The following FGF1 variants were observed in gnomAD, a reference collection of about 807,000 sequenced individuals.
FGF1 encodes the protein fibroblast growth factor 1.
Under a neutral mutation model 13.4 loss-of-function variants are expected in FGF1, and 9 were observed. That is an observed-to-expected ratio of 0.67 (90% CI 0.40 to 1.17). FGF1 has a LOEUF of 1.17. Ranked by LOEUF, FGF1 falls within the 50% of genes most tolerant of loss-of-function variation. The pLI, the probability that FGF1 is intolerant of heterozygous loss-of-function variation, is 0.01. For synonymous variants in FGF1, 93 were observed against 79.0 expected (o/e 1.18, Z -0.94); for missense variants, 156 against 192.7 (o/e 0.81, Z 1.13).
intron 1 of FGF1, among the ~76,000 whole-genome samples, chr5:142,679,228 G>A (rs1219280124): frequency 6.6e-6 from 1 of 152,060 alleles, no homozygotes; most frequent in South Asian, 2.1e-4. Context: ...CAGCCACACT[G>A]GCCTTCCTCC....
chr5:142,654,900 G>C (rs1767881040), intron 1 of FGF1, among the ~76,000 whole-genome samples: 1 of 152,232 alleles, frequency 6.6e-6, no homozygotes, highest in East Asian at 1.9e-4. Context: ...GAGGGCTGCA[G>C]GCCTGTGGCT....
At chr5:142,595,775 C>A (rs975770881) in intron 3 of FGF1, among the ~76,000 whole-genome samples, 7 of 152,224 alleles carry the variant, frequency 4.6e-5, no homozygotes, top group Admixed American at 2.6e-4. Flanking sequence ...AAGAGCACTT[C>A]TAAGAGTCCT....
intron 2 of FGF1, among the ~76,000 whole-genome samples, chr5:142,607,974 G>A (rs1204951296): frequency 6.6e-6 from 1 of 152,168 alleles, no homozygotes; most frequent in African/African-American, 2.4e-5. Flanking sequence ...CTTCCATTAG[G>A]TCTTAGCAGT....
In FGF1 at chr5:142,595,449, C is replaced by G. The variant is rs778584449; in HGVS notation, c.309G>C (p.Arg103Ser). The change falls in exon 4 of 4, where the codon AGG (arginine) becomes AGC (serine). Residue 103 changes from arginine (R) to serine (S), a missense_variant. Arg to Ser is a moderately radical substitution (Grantham distance 110). Coordinates refer to ENST00000337706, the MANE Select transcript of FGF1 (RefSeq NM_000800.5). ...AGGTGTTGTAATGGTTCTCCTCCAG[C>G]CTTTCCAGGAACAAACATTCCTCAT... Reference protein sequence around the residue: ...TPNEECLFLERLEENHYNTYI... With the variant: ...TPNEECLFLESLEENHYNTYI... 1 of 1,613,808 alleles carries G rather than the reference C, an allele frequency of 6.2e-7. No homozygotes were observed. The highest frequency in any genetic ancestry group is 1.1e-5 in the South Asian group (1 of 91,032).
At chr5:142,641,075 C>T (rs1011189756) in intron 1 of FGF1, among the ~76,000 whole-genome samples, 1 of 151,920 alleles carries the variant, frequency 6.6e-6, no homozygotes, top group African/African-American at 2.4e-5. Context: ...ATAATTTGGG[C>T]GTATAGAGAT....
intron 1 of FGF1, among the ~76,000 whole-genome samples, chr5:142,619,039 A>G (rs1315508743): frequency 7.2e-6 from 1 of 138,738 alleles, no homozygotes. Context: ...GGTTCACGCC[A>G]TTCTCCTGCC....
At chr5:142,607,294 C>T (rs1294857581) in intron 2 of FGF1, among the ~76,000 whole-genome samples, 2 of 152,148 alleles carry the variant, frequency 1.3e-5, no homozygotes, top group East Asian at 1.9e-4. Flanking sequence ...TCAATACCCC[C>T]CGACCAGGTT....
chr5:142,615,869 GT>G (rs1443052558), intron 1 of FGF1, among the ~76,000 whole-genome samples: 1 of 152,146 alleles, frequency 6.6e-6, no homozygotes, highest in Non-Finnish European at 1.5e-5. Context: ...GAGGAGTGGG[GT>G]TTTTACCCAT....
In FGF1 at chr5:142,692,274, T is replaced by C. The variant is rs1597487809; in HGVS notation, c.-35+5348A>G. Among the ~76,000 whole-genome samples, 2 of 152,326 alleles carry C rather than the reference T, an allele frequency of 1.3e-5. 1 individual carries two copies. Among genetic ancestry groups the C allele is most frequent in the South Asian group, 4.1e-4 (2 of 4,832 alleles). On this transcript the variant is annotated intron_variant, in intron 2 of 4. Transcript: ENST00000407758. The stretch of plus-strand genomic sequence containing the variant: ...ATTGCTTGAGCCCAGAAGGCGCAGG[T>C]TGCAGTGAGCTGAGATCACGCCACT...
At chr5:142,659,059 T>C (rs1292810313) in intron 1 of FGF1, among the ~76,000 whole-genome samples, 1 of 152,118 alleles carries the variant, frequency 6.6e-6, no homozygotes, top group African/African-American at 2.4e-5. Context: ...TTGGCGTGTG[T>C]TGGGGGAAGA....
intron 2 of FGF1, among the ~76,000 whole-genome samples, chr5:142,609,331 G>T (rs1416679039): frequency 6.6e-6 from 1 of 152,218 alleles, no homozygotes; most frequent in Non-Finnish European, 1.5e-5. Flanking sequence ...TGCTTGGGGA[G>T]CTGAGGAGTT....
intron 1 of FGF1, among the ~76,000 whole-genome samples, chr5:142,635,651 C>A (rs1041038377): frequency 3.9e-5 from 6 of 152,334 alleles, no homozygotes; most frequent in African/African-American, 1.2e-4. Context: ...GCACTCCCAC[C>A]CTGAGCTTTC....
intron 2 of FGF1, among the ~76,000 whole-genome samples, chr5:142,603,735 A>T (rs1185731779): frequency 6.6e-6 from 1 of 151,956 alleles, no homozygotes; most frequent in East Asian, 1.9e-4. Context: ...GTAAGATGGG[A>T]CCACGTGGAG....
At chr5:142,602,412 T>C in intron 2 of FGF1, among the ~76,000 whole-genome samples, 1 of 152,126 alleles carries the variant, frequency 6.6e-6, no homozygotes. Flanking sequence ...CCTGACCTTA[T>C]GCTCTGCCTG....
At chr5:142,638,441 T>A (rs1315068367) in intron 1 of FGF1, among the ~76,000 whole-genome samples, 1 of 152,068 alleles carries the variant, frequency 6.6e-6, no homozygotes, top group East Asian at 1.9e-4. Flanking sequence ...ACCCCTATCT[T>A]GCTCAGCTTT....
Position 142,640,432 on chromosome 5 carries a change from G to C in FGF1, c.-34-26271C>G, listed in dbSNP as rs576568238. Among the ~76,000 whole-genome samples the C allele has an allele frequency of 4.0e-5, 6 of 150,218 alleles. 1 individual carries two copies. In the East Asian group the frequency reaches 5.9e-4, roughly 15 times the overall value. On this transcript the variant is annotated intron_variant, in intron 1 of 3. Transcript: ENST00000337706. ...ACCAGGAGGTGGAGTATGGTGGGGGGGGGGGTCTCTCTGAGAAGCGGCATT... is the reference window on the plus strand; with the variant it reads ...ACCAGGAGGTGGAGTATGGTGGGGGCGGGGGTCTCTCTGAGAAGCGGCATT...
chr5:142,646,784 G>A (rs1285594513), intron 1 of FGF1, among the ~76,000 whole-genome samples: 5 of 152,306 alleles, frequency 3.3e-5, no homozygotes, highest in Non-Finnish European at 5.9e-5. Context: ...GAGCCACTGC[G>A]CCCGGCCTTT....
At chr5:142,620,424 A>G (rs569403986) in intron 1 of FGF1, among the ~76,000 whole-genome samples, 4 of 152,314 alleles carry the variant, frequency 2.6e-5, no homozygotes, top group South Asian at 4.1e-4. Flanking sequence ...TCTCAAAAAA[A>G]AAAATTGAAA....
upstream of FGF1, among the ~76,000 whole-genome samples, chr5:142,690,566 C>A (rs1752034039): frequency 1.3e-5 from 2 of 152,116 alleles, no homozygotes; most frequent in Non-Finnish European, 2.9e-5. Context: ...CAATGTCCTG[C>A]GTAATTGTTT....
Sources: gnomAD v4.1 joint callset for allele counts (sites outside exome capture counted in the v4.1 genomes callset) on GRCh38, gnomAD v4.1.1 for gene constraint, MANE v1.5 for transcripts, NCBI Gene and HGNC (gene_info 2026-07-23, HGNC 2026-07-21) for gene names.